UACA: variants seen among roughly 807,000 people sequenced by gnomAD.
UACA encodes the protein uveal autoantigen with coiled-coil domains and ankyrin repeats.
Under a neutral mutation model 160.5 loss-of-function variants are expected in UACA, and 112 were observed. The observed-to-expected ratio is 0.70, with a 90% CI of 0.60 to 0.82. UACA has a LOEUF of 0.82. Among genes scored for constraint, UACA ranks in the 40% least tolerant of loss-of-function variants. The probability of loss-of-function intolerance (pLI) is 0.00; values close to 1 mark genes in which losing one functional copy is unlikely to be tolerated. For synonymous variants in UACA, 557 were observed against 568.4 expected (o/e 0.98, Z 0.29); for missense variants, 1,574 against 1,614.6 (o/e 0.97, Z 0.43).
At chr15:70,681,324 C>A (rs1004528946) in intron 9 of UACA, among the ~76,000 whole-genome samples, 2 of 144,566 alleles carry the variant, frequency 1.4e-5, no homozygotes, top group African/African-American at 4.9e-5. Flanking sequence ...ACATTTGCAA[C>A]TATACTGTAG....
chr15:70,687,511 G>GT, intron 7 of UACA, 29 bp downstream of exon 7: 1 of 1,598,124 alleles, frequency 6.3e-7, no homozygotes. Flanking sequence ...TATCCAGCTG[G>GT]TATCTGGGAG....
chr15:70,708,152 C>T (rs1186396070), intron 1 of UACA, among the ~76,000 whole-genome samples: 1 of 152,024 alleles, frequency 6.6e-6, no homozygotes, highest in Non-Finnish European at 1.5e-5. Flanking sequence ...AGACATTATG[C>T]TAAATGAAAT....
chr15:70,709,388 A>C (rs561420127), intron 1 of UACA, among the ~76,000 whole-genome samples: 1 of 152,362 alleles, frequency 6.6e-6, no homozygotes, highest in African/African-American at 2.4e-5. Flanking sequence ...CACCTGGTAG[A>C]TCTAACTGGA....
rs779831779 is a variant in UACA at position 70,677,112 on chromosome 15, C to T, written c.1028G>A (p.Ser343Asn). The T allele has an allele frequency of 8.1e-6, 13 of 1,603,512 alleles. No homozygotes were observed. Among genetic ancestry groups the T allele is most frequent in the South Asian group, 5.6e-5 (5 of 88,912 alleles). ...TAAAATAAAATGTCACCCTACCTCG[C>T]TTTCCAGATCATCAGCAACCATAAC... is the stretch of plus-strand genomic sequence containing the variant. ...EEVMVADDLE[S>N]EREKLKSLLA... The change falls in exon 12 of 19, where the codon AGC (serine) becomes AAC (asparagine). Residue 343 changes from serine (S) to asparagine (N), a missense_variant. Coordinates refer to ENST00000322954, the MANE Select transcript of UACA (RefSeq NM_018003.4).
At chr15:70,662,326 G>T (rs1896738384) in intron 17 of UACA, among the ~76,000 whole-genome samples, 1 of 152,086 alleles carries the variant, frequency 6.6e-6, no homozygotes, top group South Asian at 2.1e-4. Context: ...ACCTCTTCAT[G>T]GCAAACTACA....
At chr15:70,689,624 A>C (rs1387159019) in intron 5 of UACA, among the ~76,000 whole-genome samples, 3 of 152,140 alleles carry the variant, frequency 2.0e-5, no homozygotes, top group African/African-American at 7.2e-5. Flanking sequence ...AGACCACCTT[A>C]ATCTACTGCA....
chr15:70,681,386 C>A (rs1166090422), intron 9 of UACA, among the ~76,000 whole-genome samples: 2 of 151,862 alleles, frequency 1.3e-5, no homozygotes, highest in African/African-American at 4.8e-5. Flanking sequence ...AAAAAAAGTC[C>A]TATTTACAGC....
chr15:70,675,515 C>T (rs192318396), intron 13 of UACA, among the ~76,000 whole-genome samples: 139 of 152,334 alleles, frequency 9.1e-4, no homozygotes, highest in African/African-American at 3.3e-3. Flanking sequence ...TTTCTTCACA[C>T]ACCTTACTCA....
chr15:70,774,647 A>G, the UACA span, among the ~76,000 whole-genome samples: 10 of 152,290 alleles, frequency 6.6e-5, no homozygotes, highest in African/African-American at 2.4e-4. Flanking sequence ...AGTTGTATAA[A>G]TAAGTGTAAA....
chr15:70,766,680 C>G (rs2031015575), upstream of UACA, among the ~76,000 whole-genome samples: 1 of 152,092 alleles, frequency 6.6e-6, no homozygotes. Flanking sequence ...TGGACAATCG[C>G]TTACTGAATC....
chr15:70,745,329 G>A (rs928764812), intron 1 of UACA, among the ~76,000 whole-genome samples: 1 of 152,014 alleles, frequency 6.6e-6, no homozygotes, highest in Non-Finnish European at 1.5e-5. Flanking sequence ...CAGCTACTTG[G>A]GAGGCTGAGG....
At chr15:70,677,284 TG>T (rs2140922760) in intron 11 of UACA, 144 bp from the exon 12 acceptor site, 1 of 577,228 alleles carries the variant, frequency 1.7e-6, no homozygotes, top group Admixed American at 3.4e-5. Context: ...TGTACAATTC[TG>T]TTGTATGAGT....
intron 13 of UACA, among the ~76,000 whole-genome samples, chr15:70,676,030 T>C (rs1000987754): frequency 6.6e-6 from 1 of 152,220 alleles, no homozygotes; most frequent in Admixed American, 6.5e-5. Flanking sequence ...AGGCACTTTT[T>C]TAGTGTACTT....
At chr15:70,774,738 T>C in the UACA span, among the ~76,000 whole-genome samples, 4 of 152,066 alleles carry the variant, frequency 2.6e-5, no homozygotes, top group South Asian at 4.1e-4. Context: ...AAATGATTTA[T>C]ACCTATAATG....
rs1896456787 is a variant in UACA, at chr15:70,655,566, T to G, written c.*1490A>C. On this transcript the variant is annotated 3_prime_UTR_variant, in exon 19 of 19. Transcript: ENST00000322954. Reference sequence around the variant, plus strand: ...ATATTTTATTTTTTATTGAAATAGGTGGCCCAAAACTTGTGAAACAGAACT... The same window carrying G: ...ATATTTTATTTTTTATTGAAATAGGGGGCCCAAAACTTGTGAAACAGAACT... The G allele has an allele frequency of 6.6e-6, 1 of 152,156 alleles. No homozygotes were observed. Among genetic ancestry groups the G allele is most frequent in the South Asian group, 2.1e-4 (1 of 4,834 alleles). 9.4% of individuals were successfully genotyped at this position (152,156 alleles called of 1,614,324 possible). A position where few individuals can be genotyped will look rare whatever the true frequency, so the allele number is the denominator to read the frequency against.
intron 13 of UACA, 33 bp from the exon 14 acceptor site, chr15:70,672,034 A>C (rs1897155916): frequency 6.4e-7 from 1 of 1,570,770 alleles, no homozygotes; most frequent in East Asian, 2.3e-5. Flanking sequence ...TTTTAGGGTG[A>C]ATGCTGCCTC....
intron 1 of UACA, among the ~76,000 whole-genome samples, chr15:70,759,185 C>G (rs2030601100): frequency 6.6e-6 from 1 of 152,198 alleles, no homozygotes; most frequent in Admixed American, 6.5e-5. Context: ...TCTACTACTT[C>G]TGGAATTACA....
At chr15:70,666,684 G>T in intron 16 of UACA, 40 bp downstream of exon 16, 1 of 1,497,044 alleles carries the variant, frequency 6.7e-7, no homozygotes. Context: ...ACTGCTCTGG[G>T]GTTTCCAACA....
intron 15 of UACA, 23 bp downstream of exon 15, chr15:70,671,016 T>C: frequency 6.7e-7 from 1 of 1,489,798 alleles, no homozygotes; most frequent in Middle Eastern, 1.9e-4. Flanking sequence ...TTTTTTAAAA[T>C]TAAAAAAAAA....
Sources: gnomAD v4.1 joint callset for allele counts (sites outside exome capture counted in the v4.1 genomes callset) on GRCh38, gnomAD v4.1.1 for gene constraint, MANE v1.5 for transcripts, NCBI Gene and HGNC (gene_info 2026-07-23, HGNC 2026-07-21) for gene names.